Variants in PHIP observed in about 807,000 individuals in gnomAD.
The protein encoded by PHIP is PH-interacting protein.
In PHIP, 54 loss-of-function variants were observed where a neutral mutation model predicts 236.8. The ratio of observed to expected loss-of-function variants is 0.23; its 90% CI spans 0.18 to 0.29. The LOEUF is 0.29. Ranked by LOEUF, PHIP falls within the 10% of genes least tolerant of loss-of-function variation. The pLI is 1.00. For missense variants in PHIP, 1,370 were observed against 2,190.8 expected (o/e 0.63, Z 7.48); for synonymous variants, 756 against 718.9 (o/e 1.05, Z -0.83).
chr6:79,030,748 C>A (rs186203289), intron 7 of PHIP, among the ~76,000 whole-genome samples: 1 of 152,064 alleles, frequency 6.6e-6, no homozygotes, highest in South Asian at 2.1e-4. Context: ...GATGAGATTA[C>A]GAAGAGAGAC....
chr6:78,946,968 AT>A, intron 36 of PHIP, 94 bp from the exon 37 acceptor site: 5 of 674,644 alleles, frequency 7.4e-6, no homozygotes, highest in Non-Finnish European at 1.2e-5. Flanking sequence ...CCAGTAAAAA[AT>A]ATTTAGAATT....
intron 23 of PHIP, among the ~76,000 whole-genome samples, chr6:78,979,329 C>A (rs760050162): frequency 1.3e-4 from 19 of 151,978 alleles, no homozygotes; most frequent in Non-Finnish European, 2.6e-4. Flanking sequence ...CAAGATATCC[C>A]CACAAACCCC....
chr6:78,992,054 C>CCG (rs905302160), intron 19 of PHIP, among the ~76,000 whole-genome samples: 1 of 151,096 alleles, frequency 6.6e-6, no homozygotes, highest in African/African-American at 2.4e-5. Flanking sequence ...CTCTGCCCCC[C>CCG]GGGGTTCACA....
At chr6:79,072,424 A>AT (rs1773931109) in intron 4 of PHIP, among the ~76,000 whole-genome samples, 1 of 151,910 alleles carries the variant, frequency 6.6e-6, no homozygotes, top group Non-Finnish European at 1.5e-5. Context: ...TTTTTCCTTT[A>AT]TTTTTTAGAC....
At chr6:78,981,460 A>G (rs1432317365) in intron 23 of PHIP, among the ~76,000 whole-genome samples, 1 of 152,022 alleles carries the variant, frequency 6.6e-6, no homozygotes, top group African/African-American at 2.4e-5. Flanking sequence ...TGACCCACAT[A>G]ATTCTATTGG....
chr6:78,941,292 G>A lies in PHIP; in HGVS notation c.4867C>T (p.Gln1623Ter). 6.2e-7 allele frequency: 1 copy of A among 1,613,260 alleles called. No homozygotes were observed. The highest frequency in any genetic ancestry group is 8.5e-7 in the Non-Finnish European group (1 of 1,179,306). The stretch of plus-strand genomic sequence containing the variant: ...GGCTGTCCTCCATGGCCATTTACTT[G>A]AATGGTTCCTGGTACAAGAGCGTTG... ...KNNALVPGTI[Q>*]VNGHGGQPSK... The change falls in exon 40 of 40, where the codon CAA becomes TAA. Residue 1623 changes from glutamine (Q) to a stop codon, truncating the protein, a stop_gained. Coordinates refer to ENST00000275034, the MANE Select transcript of PHIP (RefSeq NM_017934.7). LOFTEE classifies it high-confidence loss of function.
intron 22 of PHIP, among the ~76,000 whole-genome samples, chr6:78,984,234 G>C (rs1475713309): frequency 1.3e-5 from 2 of 152,086 alleles, no homozygotes; most frequent in African/African-American, 4.8e-5. Context: ...TAATTAAGAT[G>C]TTCTCTAGCA....
intron 4 of PHIP, among the ~76,000 whole-genome samples, chr6:79,076,885 C>G (rs932128270): frequency 6.6e-6 from 1 of 152,148 alleles, no homozygotes; most frequent in Non-Finnish European, 1.5e-5. Context: ...AACAAAAAAC[C>G]CAGGACTGAA....
At chr6:78,972,327 A>C (rs1755721876) in intron 24 of PHIP, among the ~76,000 whole-genome samples, 2 of 152,206 alleles carry the variant, frequency 1.3e-5, no homozygotes, top group South Asian at 4.1e-4. Context: ...CCTGTCTGTT[A>C]GAAGGAAAAC....
rs1234710768 is a variant in PHIP at position 78,955,166 on chromosome 6, TAAAG to T, written c.3903+62_3903+65del. 5 of 1,141,294 alleles carry T rather than the reference TAAAG, an allele frequency of 4.4e-6. No homozygotes were observed. In the African/African-American group the frequency reaches 6.4e-5, roughly 15 times the overall value. The allele number at this position is 1,141,294 out of a possible 1,614,324, so 70.7% of individuals were successfully genotyped here. On this transcript the variant is annotated intron_variant, in intron 34 of 39. Coordinates refer to ENST00000275034, the MANE Select transcript of PHIP (RefSeq NM_017934.7). ...TTTTAAAATGCTAAGAGTAAAAAAA[TAAAG>T]AAAGCTCTTAATACATTTTAATTCA...
intron 35 of PHIP, among the ~76,000 whole-genome samples, 192 bp downstream of exon 35, chr6:78,954,622 T>C (rs1582099683): frequency 6.6e-6 from 1 of 152,162 alleles, no homozygotes; most frequent in Non-Finnish European, 1.5e-5. Context: ...AGTGTCTTCA[T>C]TCAGGGCTCC....
chr6:79,076,636 AAC>A (rs1562229066), intron 4 of PHIP, among the ~76,000 whole-genome samples: 2 of 152,236 alleles, frequency 1.3e-5, no homozygotes, highest in Non-Finnish European at 2.9e-5. Flanking sequence ...TCCCAATATA[AAC>A]ACAACTTTCA....
intron 6 of PHIP, 84 bp downstream of exon 6, chr6:79,060,394 T>C (rs546238909): frequency 1.3e-4 from 110 of 851,310 alleles, no homozygotes; most frequent in Admixed American, 2.1e-4. Context: ...AGTTCTCTAA[T>C]ACCACAGTAA....
intron 22 of PHIP, among the ~76,000 whole-genome samples, 157 bp downstream of exon 22, chr6:78,985,195 G>A (rs910300477): frequency 6.6e-6 from 1 of 151,244 alleles, no homozygotes; most frequent in African/African-American, 2.4e-5. Flanking sequence ...TTTCTATAGA[G>A]AACATATATC....
At position 78,990,907 on chromosome 6, in the gene PHIP, T is replaced by G; in HGVS notation, c.2280A>C (p.Leu760Phe). 6.2e-7 allele frequency: 1 copy of G among 1,606,494 alleles called. No homozygotes were observed. The highest frequency in any genetic ancestry group is 8.5e-7 in the Non-Finnish European group (1 of 1,173,534). The part of the protein sequence containing the change: ...TYRSEEKRKH[L>F]TVPKENKIPT... Reference sequence around the variant, plus strand: ...GTATTTTATTCTCTTTTGGAACAGTTAAGTGTTTTCTTTTCTCTTCTGACC... The same window carrying G: ...GTATTTTATTCTCTTTTGGAACAGTGAAGTGTTTTCTTTTCTCTTCTGACC... Residue 760 changes from leucine (L) to phenylalanine (F), a missense_variant, in exon 20 of 40, where the codon TTA becomes TTC. By Grantham distance (22) the Leu-to-Phe change is conservative. Coordinates refer to ENST00000275034, the MANE Select transcript of PHIP (RefSeq NM_017934.7).
chr6:78,988,441 A>T (rs919698687), intron 20 of PHIP, 92 bp from the exon 21 acceptor site: 28 of 973,976 alleles, frequency 2.9e-5, no homozygotes, highest in Non-Finnish European at 3.9e-5. Context: ...AAAAAATTCA[A>T]GCTGGGCATG....
At chr6:78,984,875 T>G (rs1768769362) in intron 22 of PHIP, among the ~76,000 whole-genome samples, 1 of 152,188 alleles carries the variant, frequency 6.6e-6, no homozygotes, top group Non-Finnish European at 1.5e-5. Context: ...GCCAAGGTCA[T>G]AAGCTCTGCA....
At chr6:79,005,570 A>G (rs1770243908) in intron 15 of PHIP, among the ~76,000 whole-genome samples, 1 of 151,438 alleles carries the variant, frequency 6.6e-6, no homozygotes, top group African/African-American at 2.4e-5. Flanking sequence ...TTGTTAAATG[A>G]TTTTTTTTTA....
intron 20 of PHIP, among the ~76,000 whole-genome samples, chr6:78,989,947 G>T (rs543912667): frequency 1.3e-5 from 2 of 152,164 alleles, no homozygotes; most frequent in African/African-American, 4.8e-5. Context: ...GCATTGTGAG[G>T]TCCTACTGAT....
Sources: gnomAD v4.1 joint callset for allele counts (sites outside exome capture counted in the v4.1 genomes callset) on GRCh38, gnomAD v4.1.1 for gene constraint, MANE v1.5 for transcripts, NCBI Gene and HGNC (gene_info 2026-07-23, HGNC 2026-07-21) for gene names.